The following RNF40 variants were observed in gnomAD, a reference collection of about 807,000 sequenced individuals.
The protein encoded by RNF40 is ring finger protein 40, also known as E3 ubiquitin-protein ligase BRE1B.
In RNF40, 39 loss-of-function variants were observed where a neutral mutation model predicts 123.3. That is an observed-to-expected ratio of 0.32 (90% CI 0.24 to 0.41). The LOEUF is 0.41. RNF40 is among the 10% of genes least tolerant of loss of function. RNF40 has a pLI of 1.00. For synonymous variants in RNF40, 538 were observed against 526.0 expected (o/e 1.02, Z -0.31); for missense variants, 1,003 against 1,319.9 (o/e 0.76, Z 3.72).
chr16:30,764,609 G>A (rs1016010982), intron 5 of RNF40, among the ~76,000 whole-genome samples: 14 of 152,170 alleles, frequency 9.2e-5, no homozygotes, highest in Admixed American at 7.9e-4. Flanking sequence ...TGTTGATGCC[G>A]GTAGAGGCTC....
chr16:30,763,373 A>T (rs753699765), intron 3 of RNF40, 45 bp from the exon 4 acceptor site: 1 of 1,603,650 alleles, frequency 6.2e-7, no homozygotes, highest in South Asian at 1.1e-5. Flanking sequence ...TCATGTTGGA[A>T]AGCACTAAGG....
Position 30,762,470 on chromosome 16 carries a change from T to C in RNF40, c.-71-5T>C. The C allele has an allele frequency of 2.8e-6, 4 of 1,434,000 alleles. No individual in the cohort carries two copies. In the South Asian group the frequency reaches 5.4e-5, roughly 19 times the overall value. 88.8% of individuals were successfully genotyped at this position (1,434,000 alleles called of 1,614,324 possible). A position where few individuals can be genotyped will look rare whatever the true frequency, so the allele number is the denominator to read the frequency against. ...TCCCACATCTCTGCTCTGTGTCTTC[T>C]GCAGGTGACGGAAGTACCGCCTCCT... On this transcript the variant is annotated splice_polypyrimidine_tract_variant and splice_region_variant and intron_variant, in intron 1 of 19. Coordinates refer to ENST00000324685, the MANE Select transcript of RNF40 (RefSeq NM_014771.4).
chr16:30,774,333 G>A lies in RNF40; in HGVS notation c.*219G>A. On this transcript the variant is annotated 3_prime_UTR_variant, in exon 20 of 20. Coordinates refer to ENST00000324685, the MANE Select transcript of RNF40 (RefSeq NM_014771.4). ...CTAAAGGTCAGAGCTGCAGCCTAGG[G>A]GGCACTGCCCTACAGAAAAGGTCTG... 1 of 538,732 alleles carries A rather than the reference G, an allele frequency of 1.9e-6. No individual in the cohort carries two copies. The highest frequency in any genetic ancestry group is 3.0e-5 in the East Asian group (1 of 33,368). The allele number at this position is 538,732 out of a possible 1,614,324, so 33.4% of individuals were successfully genotyped here.
rs2054159641 is a variant in RNF40, at chr16:30,772,151, T to G, written c.2790T>G (p.Asp930Glu). 1 of 1,553,528 alleles carries G rather than the reference T, an allele frequency of 6.4e-7. No individual in the cohort carries two copies. Among genetic ancestry groups the G allele is most frequent in the Non-Finnish European group, 8.7e-7 (1 of 1,148,074 alleles). Reference protein sequence around the residue: ...EKQRKVEVYADADEILQEEIK... With the variant: ...EKQRKVEVYAEADEILQEEIK... ...AGAGGAAGGTGGAGGTCTACGCAGA[T>G]GCCGACGAAATCCTCCAGGAGGAGA... is the stretch of plus-strand genomic sequence containing the variant. Residue 930 changes from aspartate to glutamate, a missense_variant, in exon 19 of 20, where the codon GAT becomes GAG. This residue lies in a region of RNF40 where 76 missense variants were observed against 134.1 expected (regional missense o/e 0.57). Transcript: ENST00000324685.
chr16:30,770,214 C>T (rs769899726), intron 17 of RNF40, among the ~76,000 whole-genome samples: 10 of 151,020 alleles, frequency 6.6e-5, no homozygotes, highest in South Asian at 2.1e-4. Flanking sequence ...TCAAGCAACT[C>T]TCCCAACCTC....
Position 30,775,014 on chromosome 16 carries a change from A to C in RNF40, c.*900A>C. On this transcript the variant is annotated 3_prime_UTR_variant, in exon 20 of 20. Coordinates refer to ENST00000324685, the MANE Select transcript of RNF40 (RefSeq NM_014771.4). ...AAGAGCTTCCCCCTGACACCCTGTG[A>C]CTGAGCCTGTGTCCTGTCTGCCTGC... is the stretch of plus-strand genomic sequence containing the variant. 2.2e-6 allele frequency: 1 copy of C among 456,482 alleles called. No homozygotes were observed. The highest frequency in any genetic ancestry group is 4.4e-6 in the Non-Finnish European group (1 of 226,798). 28.3% of individuals were successfully genotyped at this position (456,482 alleles called of 1,614,324 possible).
In RNF40 at chr16:30,768,935, AG is replaced by A; in HGVS notation, c.2197del (p.Ala733GlnfsTer5). ...ADEDALRRIR[Q>X]AEEQIEHLQR... ...GAGGATGCCCTGCGGCGCATTCGGCAGGCAGAGGAGCAGATAGAACACCTGC... is the reference window on the plus strand; with the variant it reads ...GAGGATGCCCTGCGGCGCATTCGGCAGCAGAGGAGCAGATAGAACACCTGC... On this transcript the variant is annotated frameshift_variant, in exon 15 of 20. Coordinates refer to ENST00000324685, the MANE Select transcript of RNF40 (RefSeq NM_014771.4). LOFTEE classifies it high-confidence loss of function. The surrounding 1 kb of genome is among the most constrained non-coding windows in gnomAD (Gnocchi z 4.1). 1 of 1,614,168 alleles carries A rather than the reference AG, an allele frequency of 6.2e-7. No individual in the cohort carries two copies.
At position 30,768,907 on chromosome 16, in the gene RNF40, G is replaced by C; in HGVS notation, c.2167G>C (p.Asp723His). The C allele has an allele frequency of 6.2e-7, 1 of 1,614,232 alleles. No homozygotes were observed. The highest frequency in any genetic ancestry group is 8.5e-7 in the Non-Finnish European group (1 of 1,180,050). The change falls in exon 15 of 20, where the codon GAT becomes CAT. Residue 723 changes from aspartate to histidine, a missense_variant. This residue lies in a region of RNF40 where 295 missense variants were observed against 331.7 expected (regional missense o/e 0.89). Coordinates refer to ENST00000324685, the MANE Select transcript of RNF40 (RefSeq NM_014771.4). The surrounding 1 kb of genome is among the most constrained non-coding windows in gnomAD (Gnocchi z 4.1). ...TCGAAGGGAGAGCAAGAAGATCGCG[G>C]ATGAGGATGCCCTGCGGCGCATTCG... ...RDRRESKKIA[D>H]EDALRRIRQA...
intron 17 of RNF40, among the ~76,000 whole-genome samples, chr16:30,770,716 G>T (rs572285594): frequency 1.6e-4 from 25 of 151,986 alleles, no homozygotes; most frequent in East Asian, 9.7e-4. Flanking sequence ...TGGTTTTTTT[G>T]TTGTTGTTTT....
Position 30,766,893 on chromosome 16 carries a change from G to C in RNF40, c.1429+17G>C, listed in dbSNP as rs1310668275. 6.2e-7 allele frequency: 1 copy of C among 1,609,970 alleles called. No individual in the cohort carries two copies. The highest frequency in any genetic ancestry group is 1.1e-5 in the South Asian group (1 of 90,808). ...AGCAGGCGGGTATGTGGTGAGGATA[G>C]GGCGGAGGTGGGGCCTTATCTGGGA... On this transcript the variant is annotated intron_variant, in intron 11 of 19. Coordinates refer to ENST00000324685, the MANE Select transcript of RNF40 (RefSeq NM_014771.4). The surrounding 1 kb of genome is among the most constrained non-coding windows in gnomAD (Gnocchi z 5.4).
At position 30,769,174 on chromosome 16, in the gene RNF40, C is replaced by A; in HGVS notation, c.2248-12C>A. 1 of 1,613,706 alleles carries A rather than the reference C, an allele frequency of 6.2e-7. No individual in the cohort carries two copies. Among genetic ancestry groups the A allele is most frequent in the Non-Finnish European group, 8.5e-7 (1 of 1,179,678 alleles). On this transcript the variant is annotated splice_polypyrimidine_tract_variant and intron_variant, in intron 15 of 19. Transcript: ENST00000324685. Reference sequence around the variant, plus strand: ...TCCCACGTTCCATCTTGTCTCTGCCCACTTGCTGCAGGAGGAGGAGGCTCT... The same window carrying A: ...TCCCACGTTCCATCTTGTCTCTGCCAACTTGCTGCAGGAGGAGGAGGCTCT...
At chr16:30,771,389 G>A (rs370198425) in intron 17 of RNF40, among the ~76,000 whole-genome samples, 5 of 151,970 alleles carry the variant, frequency 3.3e-5, no homozygotes, top group African/African-American at 7.2e-5. Flanking sequence ...AGGCCGAGGC[G>A]GGCAGATCAT....
chr16:30,769,453 T>C, intron 16 of RNF40, 22 bp from the exon 17 acceptor site: 2 of 1,614,028 alleles, frequency 1.2e-6, no homozygotes, highest in Non-Finnish European at 1.7e-6. Flanking sequence ...GTCATGGCCC[T>C]GAGTCCTCCT....
At chr16:30,764,123 C>T (rs1267285683) in intron 4 of RNF40, 56 bp from the exon 5 acceptor site, 32 of 1,452,392 alleles carry the variant, frequency 2.2e-5, no homozygotes, top group Non-Finnish European at 2.9e-5. Context: ...GAACTTGGTA[C>T]AGAGTGGTAG....
chr16:30,762,866 GT>G (rs2053901374), intron 2 of RNF40, among the ~76,000 whole-genome samples, 189 bp downstream of exon 2: 1 of 152,220 alleles, frequency 6.6e-6, no homozygotes, highest in Non-Finnish European at 1.5e-5. Context: ...AGGAAAACAG[GT>G]TTCCAGGGGG....
upstream of RNF40, chr16:30,761,935 C>CA (rs1462030817): frequency 4.9e-6 from 3 of 616,708 alleles, no homozygotes; most frequent in Non-Finnish European, 5.5e-6. Flanking sequence ...CGACGGTTGC[C>CA]AAGGGGGCTT....
intron 17 of RNF40, among the ~76,000 whole-genome samples, chr16:30,770,837 G>A (rs1273505470): frequency 6.6e-6 from 1 of 152,050 alleles, no homozygotes; most frequent in Non-Finnish European, 1.5e-5. Flanking sequence ...TTAGTGTCCC[G>A]AGTAGCTGGG....
rs1324844095 is a variant in RNF40 at position 30,775,661 on chromosome 16, CGGCGCCCCTGGGCTCAGCGCGCTGCA to C, written c.*1556_*1581del. ...CGGGAGCGGTGCGGCGTGTACCGAG[CGGCGCCCCTGGGCTCAGCGCGCTGCA>C]GGCGCCCCGGGCGGATCCTTCACCG... On this transcript the variant is annotated 3_prime_UTR_variant, in exon 20 of 20. Coordinates refer to ENST00000324685, the MANE Select transcript of RNF40 (RefSeq NM_014771.4). The C allele has an allele frequency of 1.3e-5, 2 of 152,818 alleles. No individual in the cohort carries two copies. Among genetic ancestry groups the C allele is most frequent in the Non-Finnish European group, 2.9e-5 (2 of 68,410 alleles). The allele number at this position is 152,818 out of a possible 1,614,324, so 9.5% of individuals were successfully genotyped here.
In RNF40 at chr16:30,768,418, G is replaced by A. The variant is rs536410662; in HGVS notation, c.1867G>A (p.Gly623Arg). Reference protein sequence around the residue: ...ELREREGPSLGPPPVASALSR... With the variant: ...ELREREGPSLRPPPVASALSR... ...TCGGGAACGGGAAGGTCCCAGCCTA[G>A]GACCTCCACCTGTAGCCTCCGCTCT... The change falls in exon 13 of 20, where the codon GGA (glycine) becomes AGA (arginine). Residue 623 changes from glycine to arginine, a missense_variant. Around this residue, in one of 11 missense-constraint regions of RNF40, gnomAD observed 295 missense variants for 331.7 expected, o/e 0.89. Transcript: ENST00000324685. This position sits in a 1 kb window ranked among gnomAD's most constrained non-coding sequence, Gnocchi z 4.1. 1 of 1,613,792 alleles carries A rather than the reference G, an allele frequency of 6.2e-7. No individual in the cohort carries two copies. Among genetic ancestry groups the A allele is most frequent in the South Asian group, 1.1e-5 (1 of 91,050 alleles).
Sources: gnomAD v4.1 joint callset for allele counts (sites outside exome capture counted in the v4.1 genomes callset) on GRCh38, gnomAD v4.1.1 for gene constraint, gnomAD v4.1.1 regional missense constraint, Gnocchi (gnomAD v3.1) non-coding constraint, MANE v1.5 for transcripts, NCBI Gene and HGNC (gene_info 2026-07-23, HGNC 2026-07-21) for gene names.